ESR1: variants seen among roughly 807,000 people sequenced by gnomAD.
ESR1 encodes the protein estrogen receptor 1.
ESR1 carries 12 observed loss-of-function variants against 52.7 expected under a neutral mutation model. The ratio of observed to expected loss-of-function variants is 0.23; its 90% CI spans 0.15 to 0.37. The LOEUF (loss-of-function observed/expected upper bound fraction) is 0.37, where lower values mean the gene tolerates loss of function less well. Ranked by LOEUF, ESR1 falls within the 10% of genes least tolerant of loss-of-function variation. ESR1 has a pLI of 1.00. For missense variants in ESR1, 584 were observed against 779.7 expected (o/e 0.75, Z 2.99); for synonymous variants, 305 against 316.8 (o/e 0.96, Z 0.39).
At chr6:151,782,589 T>C (rs1304498309) in intron 2 of ESR1, among the ~76,000 whole-genome samples, 1 of 152,200 alleles carries the variant, frequency 6.6e-6, no homozygotes, top group East Asian at 1.9e-4. Context: ...TCTTGATACA[T>C]ACTTCCATAT....
At chr6:151,842,865 G>C (rs1784516454) in intron 2 of ESR1, 78 bp downstream of exon 2, 1 of 1,278,096 alleles carries the variant, frequency 7.8e-7, no homozygotes, top group Admixed American at 1.7e-5. Flanking sequence ...GAGGAAGGAA[G>C]ACATAGAATC....
Position 151,759,529 on chromosome 6 carries a change from A to AT in ESR1, c.-70-48314_-70-48313insT, listed in dbSNP as rs201549571. ...TTAAAGTATAATAATAATAATAATA[A>AT]AAAAAGAATAACAGGAAAAATAATT... On this transcript the variant is annotated intron_variant, in intron 2 of 2. Coordinates refer to the ESR1 transcript ENST00000404742. Among the ~76,000 whole-genome samples the AT allele has an allele frequency of 6.0e-3, 919 of 152,044 alleles. 7 individuals are homozygous for AT. The highest frequency in any genetic ancestry group is 0.019 in the African/African-American group (804 of 41,492).
chr6:151,664,428 A>G (rs1777748200), intron 1 of ESR1, among the ~76,000 whole-genome samples: 1 of 152,246 alleles, frequency 6.6e-6, no homozygotes, highest in Non-Finnish European at 1.5e-5. Flanking sequence ...GAAATAACTA[A>G]GAAATAACCA....
In ESR1 at chr6:151,676,555, G is replaced by A. The variant is rs981978300; in HGVS notation, n.73+19792G>A. On this transcript the variant is annotated intron_variant and non_coding_transcript_variant, in intron 1 of 2. Transcript: ENST00000473497. ...CAGTGCTCCTGTTTACTTAATGGTC[G>A]GCTACGCTTGAAATATCATGCTCTC... Among the ~76,000 whole-genome samples the A allele has an allele frequency of 3.3e-5, 5 of 152,094 alleles. No homozygotes were observed. In the East Asian group the frequency reaches 5.8e-4, roughly 18 times the overall value.
At chr6:151,911,711 C>G (rs1308027237) in intron 3 of ESR1, among the ~76,000 whole-genome samples, 1 of 152,200 alleles carries the variant, frequency 6.6e-6, no homozygotes. Context: ...CTTTATAGTT[C>G]TGATTTTAGA....
At chr6:152,003,482 G>A (rs1160015410) in intron 4 of ESR1, among the ~76,000 whole-genome samples, 1 of 151,854 alleles carries the variant, frequency 6.6e-6, no homozygotes, top group Non-Finnish European at 1.5e-5. Context: ...CCAGAAACAA[G>A]TAGGAGTGAG....
chr6:151,716,447 A>G (rs1284183973), intron 2 of ESR1, among the ~76,000 whole-genome samples: 2 of 152,158 alleles, frequency 1.3e-5, no homozygotes, highest in Non-Finnish European at 2.9e-5. Context: ...CGCTTCCCCC[A>G]GGTGCTCTGT....
intron 6 of ESR1, among the ~76,000 whole-genome samples, chr6:152,063,684 G>A (rs1204220492): frequency 2.0e-5 from 3 of 152,080 alleles, no homozygotes; most frequent in East Asian, 1.9e-4. Flanking sequence ...GCCCTGATAC[G>A]GGGCAGCTCT....
chr6:151,697,959 G>A (rs144823808), intron 1 of ESR1, among the ~76,000 whole-genome samples: 1 of 152,088 alleles, frequency 6.6e-6, no homozygotes, highest in Non-Finnish European at 1.5e-5. Flanking sequence ...TTAGCCCCGT[G>A]TGGCAGCATG....
intron 2 of ESR1, among the ~76,000 whole-genome samples, chr6:151,774,873 C>A (rs976466458): frequency 1.4e-4 from 21 of 152,270 alleles, no homozygotes; most frequent in Non-Finnish European, 2.8e-4. Flanking sequence ...ATATAAATAA[C>A]TAACTATAAA....
intron 3 of ESR1, among the ~76,000 whole-genome samples, chr6:151,906,484 A>G (rs1360849808): frequency 6.6e-6 from 1 of 151,878 alleles, no homozygotes; most frequent in Non-Finnish European, 1.5e-5. Context: ...AAAATGAACT[A>G]CACAATTATT....
At position 152,099,002 on chromosome 6, in the gene ESR1, T is replaced by C. The variant is rs927942171; in HGVS notation, c.*36T>C. 2.6e-6 allele frequency: 4 copies of C among 1,564,852 alleles called. No individual in the cohort carries two copies. Among genetic ancestry groups the C allele is most frequent in the Non-Finnish European group, 3.5e-6 (4 of 1,137,162 alleles). The stretch of plus-strand genomic sequence containing the variant: ...GCTCCCACACGGTTCAGATAATCCC[T>C]GCTGCATTTTACCCTCATCATGCAC... On this transcript the variant is annotated 3_prime_UTR_variant, in exon 8 of 8. Transcript: ENST00000206249.
intron 4 of ESR1, among the ~76,000 whole-genome samples, chr6:151,980,078 T>G (rs1426279001): frequency 6.6e-6 from 1 of 152,190 alleles, no homozygotes; most frequent in Non-Finnish European, 1.5e-5. Context: ...AGACAAACAA[T>G]GTACTTCTAG....
intron 1 of ESR1, among the ~76,000 whole-genome samples, chr6:151,810,230 A>G (rs1468197509): frequency 1.3e-5 from 2 of 152,148 alleles, no homozygotes; most frequent in African/African-American, 2.4e-5. Flanking sequence ...TCTGCATTAC[A>G]TGATATTCAA....
upstream of ESR1, among the ~76,000 whole-genome samples, chr6:151,806,530 G>GTATGTATATATATATATATATA (rs1430574846): frequency 9.3e-5 from 9 of 96,444 alleles, no homozygotes; most frequent in Admixed American, 2.1e-4. Flanking sequence ...TCCTTAATAT[G>GTATGTATATATATATATATATA]TATATATATA....
chr6:151,945,562 G>A (rs932879424), intron 4 of ESR1, among the ~76,000 whole-genome samples: 2 of 152,132 alleles, frequency 1.3e-5, no homozygotes, highest in Admixed American at 6.6e-5. Context: ...CAGTGTATTC[G>A]TTCAGGAGCT....
chr6:152,039,149 TC>T (rs1227057055), intron 5 of ESR1, among the ~76,000 whole-genome samples: 1 of 152,230 alleles, frequency 6.6e-6, no homozygotes, highest in Admixed American at 6.5e-5. Flanking sequence ...CATTCTGTTT[TC>T]CCTTTGCCTC....
upstream of ESR1, among the ~76,000 whole-genome samples, chr6:151,687,155 G>T (rs76985762): frequency 6.6e-6 from 1 of 152,290 alleles, no homozygotes; most frequent in African/African-American, 2.4e-5. Flanking sequence ...TAGGTCACTG[G>T]CCAGTCTATA....
chr6:151,662,255 T>C (rs961822008), intron 1 of ESR1, among the ~76,000 whole-genome samples: 12 of 152,226 alleles, frequency 7.9e-5, no homozygotes, highest in African/African-American at 1.9e-4. Context: ...TTGCCACTTA[T>C]CACAGAAGTC....
Sources: allele counts gnomAD v4.1 joint callset (sites outside exome capture counted in the v4.1 genomes callset), GRCh38; gene constraint gnomAD v4.1.1; transcripts MANE v1.5; gene names NCBI Gene and HGNC (gene_info 2026-07-23, HGNC 2026-07-21).